Variants in ZNF398 observed in about 807,000 individuals in gnomAD.
ZNF398 encodes the protein zinc finger DNA binding protein ZER6.
Under a neutral mutation model 41.9 loss-of-function variants are expected in ZNF398, and 18 were observed. The observed-to-expected ratio is 0.43, with a 90% CI of 0.30 to 0.64. The LOEUF (loss-of-function observed/expected upper bound fraction) is 0.64. ZNF398 is among the 30% of genes least tolerant of loss of function. ZNF398 has a pLI of 0.14. For missense variants in ZNF398, 669 were observed against 822.8 expected (o/e 0.81, Z 2.29); for synonymous variants, 260 against 308.8 (o/e 0.84, Z 1.66).
At chr7:149,133,702 TATAC>T (rs376332536) in intron 2 of ZNF398, among the ~76,000 whole-genome samples, 4,440 of 76,892 alleles carry the variant, frequency 0.058, 268 homozygotes, top group Non-Finnish European at 0.08. Context: ...TGTATATATA[TATAC>T]ACACATATAT....
intron 1 of ZNF398, among the ~76,000 whole-genome samples, chr7:149,152,284 G>A (rs778093016): frequency 2.3e-5 from 3 of 131,132 alleles, no homozygotes; most frequent in Admixed American, 8.3e-5. Flanking sequence ...TTTTTGAGAC[G>A]GAGTTTCACT....
chr7:149,173,813 GAC>G (rs1180607304), intron 4 of ZNF398, among the ~76,000 whole-genome samples: 4 of 91,980 alleles, frequency 4.3e-5, no homozygotes, highest in Non-Finnish European at 8.3e-5. Flanking sequence ...TTTTTTTTGA[GAC>G]ACAGTTTGGC....
upstream of ZNF398, chr7:149,147,200 T>A (rs923992904): frequency 2.6e-5 from 4 of 152,122 alleles, no homozygotes; most frequent in Non-Finnish European, 5.9e-5. This position sits in a 1 kb window ranked among gnomAD's most constrained non-coding sequence, Gnocchi z 5.6. Flanking sequence ...AGAAAATCAC[T>A]CCCCAGAATG....
chr7:149,153,092 C>A (rs1283417731), intron 1 of ZNF398, among the ~76,000 whole-genome samples: 1 of 152,094 alleles, frequency 6.6e-6, no homozygotes, highest in Non-Finnish European at 1.5e-5. Context: ...CTCCCAAGCT[C>A]AGGTGATCTG....
chr7:149,143,067 A>G (rs75678922), upstream of ZNF398, among the ~76,000 whole-genome samples: 1 of 152,060 alleles, frequency 6.6e-6, no homozygotes, highest in African/African-American at 2.4e-5. Flanking sequence ...ATTCTCCCAC[A>G]TCTAGCTTAA....
chr7:149,152,546 A>G (rs1291472377), intron 1 of ZNF398, among the ~76,000 whole-genome samples: 1 of 148,714 alleles, frequency 6.7e-6, no homozygotes, highest in African/African-American at 2.5e-5. Flanking sequence ...GGCGTGAGCC[A>G]CCGCGCCTGG....
intron 4 of ZNF398, among the ~76,000 whole-genome samples, chr7:149,172,515 G>A (rs1044080455): frequency 6.6e-6 from 1 of 152,038 alleles, no homozygotes; most frequent in Admixed American, 6.6e-5. Context: ...CAATTCAGAT[G>A]TATCAGAGAA....
chr7:149,157,609 G>A (rs1021633449), intron 2 of ZNF398, among the ~76,000 whole-genome samples: 1 of 151,768 alleles, frequency 6.6e-6, no homozygotes, highest in African/African-American at 2.4e-5. Context: ...GGAGGCCAAG[G>A]CAGGCGTATC....
intron 2 of ZNF398, among the ~76,000 whole-genome samples, chr7:149,160,829 G>T (rs1337561906): frequency 6.6e-6 from 1 of 152,066 alleles, no homozygotes; most frequent in Non-Finnish European, 1.5e-5. Flanking sequence ...CTAGAGATTG[G>T]TCTGTGCCTT....
chr7:149,156,116 G>A (rs2129520517), intron 2 of ZNF398, among the ~76,000 whole-genome samples: 1 of 152,198 alleles, frequency 6.6e-6, no homozygotes, highest in South Asian at 2.1e-4. Flanking sequence ...ACTAAGGCAG[G>A]GAGGGATGCA....
chr7:149,156,759 G>A (rs916954405), intron 2 of ZNF398, among the ~76,000 whole-genome samples: 7 of 151,656 alleles, frequency 4.6e-5, no homozygotes, highest in African/African-American at 1.7e-4. Flanking sequence ...TACTTGGGAG[G>A]CTGAGGCAGG....
chr7:149,144,388 G>A (rs1826889351), upstream of ZNF398, among the ~76,000 whole-genome samples: 1 of 152,058 alleles, frequency 6.6e-6, no homozygotes, highest in Non-Finnish European at 1.5e-5. Flanking sequence ...ACAGCTCACT[G>A]CAGCTTCAAC....
Position 149,147,503 on chromosome 7 carries a change from C to T in ZNF398, c.-240C>T. On this transcript the variant is annotated 5_prime_UTR_variant, in exon 1 of 6. Transcript: ENST00000475153. The surrounding 1 kb of genome is among the most constrained non-coding windows in gnomAD (Gnocchi z 5.6). ...CTGAGGGGCCGCTGCGGGTGGAGTGCGGCGGAGTCGGCCTCGCGACCCCAG... is the reference window on the plus strand; with the variant it reads ...CTGAGGGGCCGCTGCGGGTGGAGTGTGGCGGAGTCGGCCTCGCGACCCCAG... 3.2e-6 allele frequency: 1 copy of T among 316,134 alleles called. No individual in the cohort carries two copies. Among genetic ancestry groups the T allele is most frequent in the Non-Finnish European group, 5.6e-6 (1 of 177,282 alleles). The allele number at this position is 316,134 out of a possible 1,614,324, so 19.6% of individuals were successfully genotyped here. A position where few individuals can be genotyped will look rare whatever the true frequency, so the allele number is the denominator to read the frequency against.
chr7:149,153,739 C>G lies in ZNF398; in HGVS notation c.25-206C>G, dbSNP rs1794909019. Among the ~76,000 whole-genome samples, 5 of 152,286 alleles carry G rather than the reference C, an allele frequency of 3.3e-5. No homozygotes were observed. The South Asian group carries it at 1.0e-3, about 32-fold the overall frequency. On this transcript the variant is annotated intron_variant, in intron 1 of 5. Transcript: ENST00000475153. ...CCAATTTCATTAATTCACTGTCTTA[C>G]CCAATCTATCCCAGAACCACCAAAT...
chr7:149,167,429 C>T (rs2129521201), intron 4 of ZNF398, among the ~76,000 whole-genome samples: 1 of 152,226 alleles, frequency 6.6e-6, no homozygotes, highest in East Asian at 1.9e-4. Context: ...AGCTGCTTAA[C>T]ATTGTGTGGG....
intron 4 of ZNF398, among the ~76,000 whole-genome samples, chr7:149,175,503 C>T: frequency 6.6e-6 from 1 of 152,050 alleles, no homozygotes; most frequent in Non-Finnish European, 1.5e-5. Flanking sequence ...CTTGCCAATA[C>T]TATATTCTTC....
rs140461638 is a variant in ZNF398, at chr7:149,167,488, C to CT, written c.661+560dup. Among the ~76,000 whole-genome samples, 1,322 of 152,254 alleles carry CT rather than the reference C, an allele frequency of 8.7e-3. 9 individuals carry two copies. The highest frequency in any genetic ancestry group is 0.015 in the African/African-American group (635 of 41,546). On this transcript the variant is annotated intron_variant, in intron 4 of 5. Coordinates refer to ENST00000475153, the MANE Select transcript of ZNF398 (RefSeq NM_170686.3). ...TTTTATTGTTTCTCTCATGCCTCAC[C>CT]TTGCTGTCAGAAAATTCTCATACAC... is the stretch of plus-strand genomic sequence containing the variant.
chr7:149,163,625 C>T (rs867613235), intron 2 of ZNF398, among the ~76,000 whole-genome samples: 12 of 152,012 alleles, frequency 7.9e-5, no homozygotes, highest in South Asian at 2.1e-4. Flanking sequence ...CCACCGCGCC[C>T]GGCCAAGCCC....
chr7:149,147,593 C>T lies in ZNF398; in HGVS notation c.-150C>T, dbSNP rs1245018134. ...CCTGCGCGTCCCGAGCCCCGACGGC[C>T]GCGTGAGTCCCGTCCGTGCGGGGAA... On this transcript the variant is annotated 5_prime_UTR_variant, in exon 1 of 6. Coordinates refer to ENST00000475153, the MANE Select transcript of ZNF398 (RefSeq NM_170686.3). This position sits in a 1 kb window ranked among gnomAD's most constrained non-coding sequence, Gnocchi z 5.6. The T allele has an allele frequency of 9.0e-6, 8 of 886,430 alleles. No individual in the cohort carries two copies. In the East Asian group the frequency reaches 3.1e-4, roughly 35 times the overall value. The allele number at this position is 886,430 out of a possible 1,614,324, so 54.9% of individuals were successfully genotyped here. A position where few individuals can be genotyped will look rare whatever the true frequency, so the allele number is the denominator to read the frequency against.
Sources: gnomAD v4.1 joint callset for allele counts (sites outside exome capture counted in the v4.1 genomes callset) on GRCh38, gnomAD v4.1.1 for gene constraint, Gnocchi (gnomAD v3.1) non-coding constraint, MANE v1.5 for transcripts, NCBI Gene and HGNC (gene_info 2026-07-23, HGNC 2026-07-21) for gene names.